Variants in CNTNAP1 observed in about 807,000 individuals in gnomAD.
The protein encoded by CNTNAP1 is contactin associated protein 1.
In CNTNAP1, 80 loss-of-function variants were observed where a neutral mutation model predicts 161.5. The ratio of observed to expected loss-of-function variants is 0.50; its 90% confidence interval spans 0.41 to 0.60. The LOEUF (loss-of-function observed/expected upper bound fraction) is 0.60. Ranked by LOEUF, CNTNAP1 falls within the 20% of genes least tolerant of loss-of-function variation. The pLI is 0.00. For missense variants in CNTNAP1, 1,464 were observed against 1,854.8 expected (o/e 0.79, Z 3.87); for synonymous variants, 695 against 733.1 (o/e 0.95, Z 0.84).
At chr17:42,694,235 G>A (rs779403777) in intron 18 of CNTNAP1, among the ~76,000 whole-genome samples, 3 of 150,464 alleles carry the variant, frequency 2.0e-5, no homozygotes, top group Non-Finnish European at 3.0e-5. Flanking sequence ...GTAATGACTC[G>A]ATCTCGGCTC....
rs376238535 is a variant in CNTNAP1, at chr17:42,688,980, C to G, written c.1561C>G (p.Leu521Val). Residue 521 changes from leucine (L) to valine (V), a missense_variant, in exon 10 of 24, where the codon CTG becomes GTG. Leu to Val is a conservative substitution (Grantham distance 32). Transcript: ENST00000264638. Reference sequence around the variant, plus strand: ...GGATGGTCAACTGGTCAACCTGACTCTGGTGGAGGGCCGGCGGCTTGGATT... The same window carrying G: ...GGATGGTCAACTGGTCAACCTGACTGTGGTGGAGGGCCGGCGGCTTGGATT... Reference protein sequence around the residue: ...KVDGQLVNLTLVEGRRLGFYA... With the variant: ...KVDGQLVNLTVVEGRRLGFYA... 1.2e-6 allele frequency: 2 copies of G among 1,613,364 alleles called. No homozygotes were observed. The highest frequency in any genetic ancestry group is 1.7e-6 in the Non-Finnish European group (2 of 1,179,634).
intron 3 of CNTNAP1, 58 bp from the exon 4 acceptor site, chr17:42,684,933 A>G: frequency 6.3e-7 from 1 of 1,582,432 alleles, no homozygotes. Flanking sequence ...TCAAAAAATA[A>G]AATAAAAAAA....
chr17:42,690,991 G>A (rs767201632), intron 13 of CNTNAP1, 49 bp downstream of exon 13: 6 of 1,608,444 alleles, frequency 3.7e-6, no homozygotes, highest in Non-Finnish European at 4.3e-6. Context: ...GACACCAATG[G>A]GGGCCTGGGA....
intron 11 of CNTNAP1, 24 bp downstream of exon 11, chr17:42,689,651 G>C (rs1024399380): frequency 6.3e-7 from 1 of 1,591,798 alleles, no homozygotes; most frequent in Non-Finnish European, 8.6e-7. Context: ...GGTATGGGGG[G>C]AGTCAGGGAC....
chr17:42,687,675 A>C lies in CNTNAP1; in HGVS notation c.1045-45A>C. On this transcript the variant is annotated intron_variant, in intron 7 of 23. Coordinates refer to ENST00000264638, the MANE Select transcript of CNTNAP1 (RefSeq NM_003632.3). The surrounding 1 kb of genome is among the most constrained non-coding windows in gnomAD (Gnocchi z 4.7). Reference sequence around the variant, plus strand: ...TGAAAACTGAATTCCCAGCTGAGGCAGAGGCGGCTCACGGGTGTTGATGCG... The same window carrying C: ...TGAAAACTGAATTCCCAGCTGAGGCCGAGGCGGCTCACGGGTGTTGATGCG... The C allele has an allele frequency of 6.3e-7, 1 of 1,597,720 alleles. No individual in the cohort carries two copies. Among genetic ancestry groups the C allele is most frequent in the South Asian group, 1.1e-5 (1 of 89,072 alleles).
intron 20 of CNTNAP1, among the ~76,000 whole-genome samples, 198 bp from the exon 21 acceptor site, chr17:42,697,076 T>C (rs185641163): frequency 2.1e-4 from 32 of 152,094 alleles, no homozygotes; most frequent in African/African-American, 7.5e-4. Context: ...AAATCCTACA[T>C]CTAGGCCCAG....
At chr17:42,696,613 G>T (rs576410769) in intron 20 of CNTNAP1, among the ~76,000 whole-genome samples, 3 of 152,206 alleles carry the variant, frequency 2.0e-5, no homozygotes, top group East Asian at 3.9e-4. Context: ...GTGAGCCACC[G>T]CGCCCAGCCA....
At chr17:42,686,484 T>TG (rs1429009462) in intron 6 of CNTNAP1, among the ~76,000 whole-genome samples, 10,480 of 142,548 alleles carry the variant, frequency 0.074, 1,437 homozygotes, top group African/African-American at 0.27. Flanking sequence ...TTTTTTTTTT[T>TG]TTTTTTTTTG....
In CNTNAP1 at chr17:42,696,095, C is replaced by G; in HGVS notation, c.3417C>G (p.Thr1139=). The change falls in exon 20 of 24, where the codon ACC becomes ACG. Residue 1139 remains threonine (T), a synonymous_variant. Coordinates refer to ENST00000264638, the MANE Select transcript of CNTNAP1 (RefSeq NM_003632.3). ...YVYQLTTRPV[T]DGQPHSINIT... ...ACCAGCTAACCACTCGACCAGTGACCGATGGCCAGCCCCATAGCATCAATA... is the reference window on the plus strand; with the variant it reads ...ACCAGCTAACCACTCGACCAGTGACGGATGGCCAGCCCCATAGCATCAATA... 3 of 1,614,136 alleles carry G rather than the reference C, an allele frequency of 1.9e-6. No individual in the cohort carries two copies. The highest frequency in any genetic ancestry group is 1.1e-5 in the South Asian group (1 of 91,078).
rs745674741 is a variant in CNTNAP1, at chr17:42,688,969, T to C, written c.1550T>C (p.Val517Ala). Residue 517 changes from valine (V) to alanine (A), a missense_variant, in exon 10 of 24, where the codon GTC becomes GCC. Physicochemically the swap from Val to Ala is moderately conservative, Grantham distance 64 (BLOSUM62 0). Coordinates refer to ENST00000264638, the MANE Select transcript of CNTNAP1 (RefSeq NM_003632.3). The stretch of plus-strand genomic sequence containing the variant: ...CTGCTCAAGGTGGATGGTCAACTGG[T>C]CAACCTGACTCTGGTGGAGGGCCGG... The part of the protein sequence containing the change: ...MELLKVDGQL[V>A]NLTLVEGRRL... 1 of 1,613,662 alleles carries C rather than the reference T, an allele frequency of 6.2e-7. No homozygotes were observed. Among genetic ancestry groups the C allele is most frequent in the East Asian group, 2.2e-5 (1 of 44,852 alleles).
chr17:42,697,741 T>C lies in CNTNAP1; in HGVS notation c.3756T>C (p.Ala1252=). ...AACTGTCCGAATCTAATTGCGGAGC[T>C]ATGCCACGTCTTGTTTCAGAGGTGC... ...QGELSESNCG[A]MPRLVSEVPP... is the part of the protein sequence containing the mutation. The change falls in exon 22 of 24, where the codon GCT becomes GCC. Residue 1252 remains alanine (A), a synonymous_variant. Transcript: ENST00000264638. 1 of 1,614,176 alleles carries C rather than the reference T, an allele frequency of 6.2e-7. No individual in the cohort carries two copies. Among genetic ancestry groups the C allele is most frequent in the African/African-American group, 1.3e-5 (1 of 75,020 alleles).
At position 42,697,591 on chromosome 17, in the gene CNTNAP1, C is replaced by T. The variant is rs1420455556; in HGVS notation, c.3606C>T (p.Asn1202=). The change falls in exon 22 of 24, where the codon AAC becomes AAT. Residue 1202 remains asparagine, a synonymous_variant. Coordinates refer to ENST00000264638, the MANE Select transcript of CNTNAP1 (RefSeq NM_003632.3). ...TTGACCCGGAGATCCAGCGCTACAACACCCCAGGTTTCTCAGGCTGCCTGT... is the reference window on the plus strand; with the variant it reads ...TTGACCCGGAGATCCAGCGCTACAATACCCCAGGTTTCTCAGGCTGCCTGT... ...GVIDPEIQRY[N]TPGFSGCLSG... 1.2e-6 allele frequency: 2 copies of T among 1,614,150 alleles called. No homozygotes were observed. The highest frequency in any genetic ancestry group is 8.5e-7 in the Non-Finnish European group (1 of 1,180,022).
rs111336809 is a variant in CNTNAP1, at chr17:42,692,980, G to A, written c.2752+260G>A. ...TTTCTTTTTTTTTTTTTTTTGAGAC[G>A]GAGTCTCGCTCTGTCACCCAGGCTG... On this transcript the variant is annotated intron_variant, in intron 17 of 23. Coordinates refer to ENST00000264638, the MANE Select transcript of CNTNAP1 (RefSeq NM_003632.3). Among the ~76,000 whole-genome samples, 60 of 143,296 alleles carry A rather than the reference G, an allele frequency of 4.2e-4. 1 individual carries two copies. In the East Asian group the frequency reaches 7.7e-3, roughly 18 times the overall value. 94.0% of individuals were successfully genotyped at this position (143,296 alleles called of 152,430 possible).
Position 42,686,931 on chromosome 17 carries a change from C to T in CNTNAP1, c.929C>T (p.Ala310Val), listed in dbSNP as rs751281750. The T allele has an allele frequency of 1.9e-6, 3 of 1,612,208 alleles. No individual in the cohort carries two copies. The highest frequency in any genetic ancestry group is 1.7e-6 in the Non-Finnish European group (2 of 1,178,702). Residue 310 changes from alanine to valine, a missense_variant, in exon 7 of 24, where the codon GCG (alanine) becomes GTG (valine). Physicochemically the swap from Ala to Val is moderately conservative, Grantham distance 64. Coordinates refer to ENST00000264638, the MANE Select transcript of CNTNAP1 (RefSeq NM_003632.3). Reference protein sequence around the residue: ...EMFIGGLVGAARKNLAYRHNF... With the variant: ...EMFIGGLVGAVRKNLAYRHNF... ...TTCATCGGAGGTCTGGTGGGCGCCGCGCGGAAGAACCTGGCCTATCGGCAT... is the reference window on the plus strand; with the variant it reads ...TTCATCGGAGGTCTGGTGGGCGCCGTGCGGAAGAACCTGGCCTATCGGCAT...
chr17:42,696,321 G>A (rs112084332), intron 20 of CNTNAP1, among the ~76,000 whole-genome samples, 169 bp downstream of exon 20: 1 of 71,622 alleles, frequency 1.4e-5, no homozygotes, highest in Non-Finnish European at 2.6e-5. Context: ...GGGGACAATA[G>A]GCATTTTTTT....
In CNTNAP1 at chr17:42,686,953, G is replaced by T. The variant is rs372924118; in HGVS notation, c.951G>T (p.Arg317=). Residue 317 remains arginine, a synonymous_variant, in exon 7 of 24, where the codon CGG becomes CGT. Coordinates refer to ENST00000264638, the MANE Select transcript of CNTNAP1 (RefSeq NM_003632.3). The part of the protein sequence containing the change: ...VGAARKNLAY[R]HNFRGCIENV... ...CCGCGCGGAAGAACCTGGCCTATCG[G>T]CATAACTTCCGCGGCTGCATAGAAA... 12 of 1,613,702 alleles carry T rather than the reference G, an allele frequency of 7.4e-6. No individual in the cohort carries two copies. Among genetic ancestry groups the T allele is most frequent in the Admixed American group, 1.7e-5 (1 of 60,012 alleles).
chr17:42,690,724 CCT>C lies in CNTNAP1; in HGVS notation c.1856-12_1856-11del, dbSNP rs1441948321. ...CCCAACTCCAGCCAAAGCTCTGTCCCCTCTTGTCTGCCAGAGAACCGAGCGTG... is the reference window on the plus strand; with the variant it reads ...CCCAACTCCAGCCAAAGCTCTGTCCCCTTGTCTGCCAGAGAACCGAGCGTG... On this transcript the variant is annotated splice_polypyrimidine_tract_variant and intron_variant, in intron 12 of 23. Transcript: ENST00000264638. 1 of 1,611,672 alleles carries C rather than the reference CCT, an allele frequency of 6.2e-7. No homozygotes were observed. The highest frequency in any genetic ancestry group is 8.5e-7 in the Non-Finnish European group (1 of 1,178,048).
At chr17:42,693,586 A>C in intron 18 of CNTNAP1, 50 bp downstream of exon 18, 1 of 1,591,076 alleles carries the variant, frequency 6.3e-7, no homozygotes, top group Non-Finnish European at 8.6e-7. Context: ...GTGTAATGGG[A>C]TGTAGGGAGG....
chr17:42,682,850 C>G lies in CNTNAP1; in HGVS notation c.21C>G (p.Phe7Leu), dbSNP rs1176129288. ...CCTGCATGATGCATCTCCGGCTCTT[C>G]TGCATCCTGCTCGCCGCGGTCTCAG... MMHLRL[F>L]CILLAAVSGA... Residue 7 changes from phenylalanine (F) to leucine (L), a missense_variant, in exon 1 of 24, where the codon TTC becomes TTG. Transcript: ENST00000264638. 1.3e-6 allele frequency: 2 copies of G among 1,593,238 alleles called. No homozygotes were observed. The highest frequency in any genetic ancestry group is 4.6e-5 in the East Asian group (2 of 43,724).
Sources: gnomAD v4.1 joint callset for allele counts (sites outside exome capture counted in the v4.1 genomes callset) on GRCh38, gnomAD v4.1.1 for gene constraint, Gnocchi (gnomAD v3.1) non-coding constraint, MANE v1.5 for transcripts, NCBI Gene and HGNC (gene_info 2026-07-23, HGNC 2026-07-21) for gene names.